USP34: variants seen among roughly 807,000 people sequenced by gnomAD.
USP34 encodes the protein ubiquitin carboxyl-terminal hydrolase 34.
In USP34, 70 loss-of-function variants were observed where a neutral mutation model predicts 460.3. That is an observed-to-expected ratio of 0.15 (90% CI 0.13 to 0.19). The LOEUF is 0.19. Among genes scored for constraint, USP34 ranks in the 10% least tolerant of loss-of-function variants. The pLI is 1.00. For missense variants in USP34, 3,985 were observed against 4,236.2 expected (o/e 0.94, Z 1.65); for synonymous variants, 1,647 against 1,405.3 (o/e 1.17, Z -3.85).
chr2:61,468,411 A>G (rs999659051), intron 1 of USP34, among the ~76,000 whole-genome samples: 1 of 152,138 alleles, frequency 6.6e-6, no homozygotes, highest in Non-Finnish European at 1.5e-5. Context: ...TTGAACTCCC[A>G]ACCTCAGGTG....
chr2:61,314,853 G>T, intron 24 of USP34, 22 bp downstream of exon 24: 6 of 1,601,378 alleles, frequency 3.7e-6, no homozygotes, highest in Non-Finnish European at 5.1e-6. Context: ...TTACCTATCA[G>T]ACAATGTTTC....
chr2:61,436,605 G>C (rs1694820556), intron 1 of USP34, among the ~76,000 whole-genome samples: 1 of 152,120 alleles, frequency 6.6e-6, no homozygotes, highest in Non-Finnish European at 1.5e-5. Flanking sequence ...ATAATAGTTG[G>C]GGACTTCAAC....
At chr2:61,363,474 G>C (rs187610096) in intron 10 of USP34, among the ~76,000 whole-genome samples, 1 of 152,288 alleles carries the variant, frequency 6.6e-6, no homozygotes, top group East Asian at 1.9e-4. Flanking sequence ...TAGGCTATAT[G>C]CTATAGTTTA....
intron 1 of USP34, among the ~76,000 whole-genome samples, chr2:61,448,900 A>C (rs181949531): frequency 7.0e-4 from 106 of 152,366 alleles, no homozygotes; most frequent in African/African-American, 2.2e-3. Context: ...CATGCCTGTA[A>C]TCTCAGCACT....
intron 67 of USP34, 137 bp downstream of exon 67, chr2:61,220,151 TAAAAAAAAAAAAAAAAAAAAAA>T (rs60784334): frequency 0.012 from 2,040 of 169,536 alleles, 97 homozygotes; most frequent in African/African-American, 0.07. Flanking sequence ...TTTCCTATCC[TAAAAAAAAAAAAAAAAAAAAAA>T]AAAAAAAAAG....
At chr2:61,277,324 C>A (rs1403706111) in intron 41 of USP34, among the ~76,000 whole-genome samples, 3 of 151,514 alleles carry the variant, frequency 2.0e-5, no homozygotes, top group Non-Finnish European at 4.4e-5. Flanking sequence ...GAAGCCTCGA[C>A]CTCCTGAGCT....
chr2:61,340,802 A>G (rs1691573829), intron 16 of USP34, among the ~76,000 whole-genome samples: 1 of 150,982 alleles, frequency 6.6e-6, no homozygotes, highest in Non-Finnish European at 1.5e-5. Context: ...TATTCCAAAT[A>G]CAATCCATTT....
chr2:61,382,740 T>A (rs1693010554), intron 6 of USP34, among the ~76,000 whole-genome samples: 1 of 152,168 alleles, frequency 6.6e-6, no homozygotes, highest in Non-Finnish European at 1.5e-5. Flanking sequence ...GCTTCCTTTT[T>A]AAGTTGAGAC....
chr2:61,337,395 TCTA>T (rs1441905209), intron 18 of USP34, among the ~76,000 whole-genome samples: 1 of 118,722 alleles, frequency 8.4e-6, no homozygotes, highest in Non-Finnish European at 1.9e-5. Flanking sequence ...AATTATCCTT[TCTA>T]CTTTTTTTTT....
chr2:61,261,646 T>C (rs944684656), intron 43 of USP34, among the ~76,000 whole-genome samples: 1 of 152,202 alleles, frequency 6.6e-6, no homozygotes, highest in Non-Finnish European at 1.5e-5. Context: ...GTTAAAATGA[T>C]GAATTTAATG....
chr2:61,220,889 A>C (rs1363975997), intron 66 of USP34, among the ~76,000 whole-genome samples: 1 of 152,172 alleles, frequency 6.6e-6, no homozygotes, highest in Non-Finnish European at 1.5e-5. Flanking sequence ...GAATCCTAGG[A>C]ATCTAGAGTG....
At chr2:61,354,838 G>C (rs1485181534) in intron 10 of USP34, among the ~76,000 whole-genome samples, 1 of 152,186 alleles carries the variant, frequency 6.6e-6, no homozygotes, top group Non-Finnish European at 1.5e-5. Flanking sequence ...AGACCCTTGG[G>C]TGATCAGGTA....
intron 21 of USP34, among the ~76,000 whole-genome samples, chr2:61,323,733 T>C (rs545938915): frequency 4.3e-4 from 66 of 152,318 alleles, no homozygotes; most frequent in Admixed American, 6.5e-4. Flanking sequence ...ATAATAAATA[T>C]GAAACTTAAA....
At chr2:61,254,308 T>C (rs1688663205) in intron 48 of USP34, among the ~76,000 whole-genome samples, 2 of 152,390 alleles carry the variant, frequency 1.3e-5, no homozygotes, top group East Asian at 1.9e-4. Flanking sequence ...TCTGTACTTT[T>C]AGGTTGGCTT....
intron 1 of USP34, among the ~76,000 whole-genome samples, chr2:61,434,737 T>C (rs182636863): frequency 2.2e-4 from 33 of 148,786 alleles, no homozygotes; most frequent in African/African-American, 6.8e-4. Context: ...AATTAAGTCT[T>C]TCCCTATAAA....
chr2:61,195,770 A>G (rs972999699), intron 75 of USP34, among the ~76,000 whole-genome samples: 2 of 152,152 alleles, frequency 1.3e-5, no homozygotes, highest in Admixed American at 6.5e-5. Context: ...CTCTTTGCAA[A>G]AAGAGTCTGC....
At chr2:61,424,570 C>G (rs1157946345) in intron 1 of USP34, among the ~76,000 whole-genome samples, 1 of 152,122 alleles carries the variant, frequency 6.6e-6, no homozygotes, top group African/African-American at 2.4e-5. Flanking sequence ...CACTACTCAA[C>G]TATATACATA....
chr2:61,428,687 T>TAA, intron 1 of USP34, among the ~76,000 whole-genome samples: 1 of 152,316 alleles, frequency 6.6e-6, no homozygotes, highest in East Asian at 1.9e-4. Context: ...TCGTATGCAC[T>TAA]AAGCAAGCCA....
At chr2:61,349,828 G>A (rs990079512) in intron 12 of USP34, among the ~76,000 whole-genome samples, 3 of 148,556 alleles carry the variant, frequency 2.0e-5, no homozygotes, top group African/African-American at 7.5e-5. Flanking sequence ...GTGACAGACC[G>A]AGGCTCCGTC....
Sources: gnomAD v4.1 joint callset for allele counts (sites outside exome capture counted in the v4.1 genomes callset) on GRCh38, gnomAD v4.1.1 for gene constraint, MANE v1.5 for transcripts, NCBI Gene and HGNC (gene_info 2026-07-23, HGNC 2026-07-21) for gene names.